Variants in CERS6 observed in about 807,000 individuals in gnomAD.
CERS6 encodes the protein ceramide synthase 6, also known as LAG1 homolog, ceramide synthase 6.
Under a neutral mutation model 56.8 loss-of-function variants are expected in CERS6, and 26 were observed. The observed-to-expected ratio is 0.46, with a 90% CI of 0.34 to 0.63. CERS6 has a LOEUF of 0.63. Among genes scored for constraint, CERS6 ranks in the 30% least tolerant of loss-of-function variants. The probability of loss-of-function intolerance (pLI) is 0.01; values close to 1 mark genes in which losing one functional copy is unlikely to be tolerated. For synonymous variants in CERS6, 164 were observed against 173.3 expected, an observed-to-expected ratio of 0.95 and a Z score of 0.42; for missense variants, 415 against 467.5, an observed-to-expected ratio of 0.89 and a Z score of 1.04.
chr2:168,587,593 T>C (rs184805974), intron 3 of CERS6, among the ~76,000 whole-genome samples: 1 of 152,332 alleles, frequency 6.6e-6, no homozygotes, highest in Non-Finnish European at 1.5e-5. Context: ...CCAGAGGTAG[T>C]TGCTAAGTGT....
chr2:168,546,636 G>A (rs142533187), intron 1 of CERS6, among the ~76,000 whole-genome samples: 1 of 152,052 alleles, frequency 6.6e-6, no homozygotes, highest in Non-Finnish European at 1.5e-5. Context: ...GGTCTGTTTT[G>A]CATATTTATC....
At chr2:168,700,332 C>T (rs1002900993) in intron 6 of CERS6, among the ~76,000 whole-genome samples, 6 of 152,038 alleles carry the variant, frequency 3.9e-5, no homozygotes, top group African/African-American at 7.2e-5. Context: ...TTTAATCTTA[C>T]GAGGAAGCAG....
chr2:168,660,616 T>TAA (rs894479877), intron 4 of CERS6, among the ~76,000 whole-genome samples: 2 of 147,832 alleles, frequency 1.4e-5, no homozygotes, highest in Admixed American at 6.8e-5. Context: ...TCACTGGAAT[T>TAA]AAAAAAAAAA....
intron 4 of CERS6, among the ~76,000 whole-genome samples, chr2:168,671,376 A>G: frequency 6.6e-6 from 1 of 152,208 alleles, no homozygotes; most frequent in Non-Finnish European, 1.5e-5. Context: ...TTAAATAAAT[A>G]TAATCTGAAG....
At chr2:168,696,236 C>T (rs1686643403) in intron 6 of CERS6, among the ~76,000 whole-genome samples, 1 of 152,216 alleles carries the variant, frequency 6.6e-6, no homozygotes, top group Non-Finnish European at 1.5e-5. Flanking sequence ...GTGCTCCTGA[C>T]TGAAGACATG....
chr2:168,559,535 A>G (rs914619973), intron 2 of CERS6, among the ~76,000 whole-genome samples: 1 of 151,714 alleles, frequency 6.6e-6, no homozygotes, highest in African/African-American at 2.4e-5. Context: ...AGCATGGGCA[A>G]GCTCTCTAGT....
chr2:168,661,889 A>T (rs771298111), intron 4 of CERS6, among the ~76,000 whole-genome samples: 4 of 152,240 alleles, frequency 2.6e-5, no homozygotes, highest in Non-Finnish European at 5.9e-5. Context: ...TTTTGATAGA[A>T]ACGATTCTTT....
chr2:168,763,240 C>CTTTT (rs756952701), intron 8 of CERS6, among the ~76,000 whole-genome samples: 10 of 105,890 alleles, frequency 9.4e-5, no homozygotes, highest in Admixed American at 1.2e-4. Flanking sequence ...CTCTCTCTCT[C>CTTTT]TTTTTTTTTT....
intron 1 of CERS6, among the ~76,000 whole-genome samples, chr2:168,518,573 C>G (rs752504285): frequency 4.4e-4 from 67 of 152,210 alleles, no homozygotes; most frequent in Middle Eastern, 3.4e-3. Context: ...TTTTCCTGCC[C>G]TTATATGACT....
At chr2:168,549,697 T>C (rs996594825) in intron 2 of CERS6, among the ~76,000 whole-genome samples, 1 of 152,174 alleles carries the variant, frequency 6.6e-6, no homozygotes, top group African/African-American at 2.4e-5. Flanking sequence ...CATATTCTTT[T>C]AGTTTCCAAG....
At chr2:168,614,343 T>G (rs551248228) in intron 3 of CERS6, among the ~76,000 whole-genome samples, 2 of 152,346 alleles carry the variant, frequency 1.3e-5, no homozygotes, top group South Asian at 4.1e-4. Context: ...ATACTTGTAT[T>G]TTCTTTACAA....
Position 168,456,536 on chromosome 2 carries a change from G to T in CERS6, c.88G>T (p.Ala30Ser). ...GGCGGACCTGAAGAACACGGAGGAG[G>T]CCACCTTCCCGCAGGCTGAGGACCT... ...TWADLKNTEE[A>S]TFPQAEDLYL... Residue 30 changes from alanine (A) to serine (S), a missense_variant, in exon 1 of 10, where the codon GCC becomes TCC. Coordinates refer to ENST00000305747, the MANE Select transcript of CERS6 (RefSeq NM_203463.3). This position sits in a 1 kb window ranked among gnomAD's most constrained non-coding sequence, Gnocchi z 4.1. The T allele has an allele frequency of 6.2e-7, 1 of 1,614,086 alleles. No individual in the cohort carries two copies. The highest frequency in any genetic ancestry group is 1.1e-5 in the South Asian group (1 of 91,088).
At chr2:168,683,793 C>T (rs576706974) in intron 4 of CERS6, among the ~76,000 whole-genome samples, 1 of 152,284 alleles carries the variant, frequency 6.6e-6, no homozygotes, top group East Asian at 1.9e-4. Flanking sequence ...AGCGCCATAT[C>T]CCCAGACTCT....
At chr2:168,626,168 A>G (rs1684585913) in intron 3 of CERS6, among the ~76,000 whole-genome samples, 1 of 152,212 alleles carries the variant, frequency 6.6e-6, no homozygotes, top group African/African-American at 2.4e-5. Context: ...GATGTTGATA[A>G]TAATGCCTAC....
intron 3 of CERS6, among the ~76,000 whole-genome samples, chr2:168,598,698 A>T (rs547224169): frequency 6.6e-6 from 1 of 152,312 alleles, no homozygotes; most frequent in African/African-American, 2.4e-5. Flanking sequence ...AGCTTACAAG[A>T]TTGTCTTCAA....
chr2:168,703,297 C>G (rs1686849047), intron 6 of CERS6, among the ~76,000 whole-genome samples: 1 of 152,148 alleles, frequency 6.6e-6, no homozygotes, highest in Non-Finnish European at 1.5e-5. Flanking sequence ...TGGCTCATGC[C>G]TGTAATCCCA....
At chr2:168,556,991 CAAAAAAAAAAAAAAAAAAA>C (rs71003046) in intron 2 of CERS6, among the ~76,000 whole-genome samples, 1 of 82,320 alleles carries the variant, frequency 1.2e-5, no homozygotes, top group Admixed American at 1.8e-4. Context: ...CTTGTCTCTA[CAAAAAAAAAAAAAAAAAAA>C]AAAAAAAAAA....
chr2:168,536,382 A>G (rs559491539), intron 1 of CERS6, among the ~76,000 whole-genome samples: 27 of 152,176 alleles, frequency 1.8e-4, no homozygotes, highest in Non-Finnish European at 3.5e-4. Flanking sequence ...TGAGTTAACA[A>G]CATTGTATTG....
At chr2:168,623,750 A>G (rs1684527235) in intron 3 of CERS6, among the ~76,000 whole-genome samples, 1 of 152,224 alleles carries the variant, frequency 6.6e-6, no homozygotes, top group African/African-American at 2.4e-5. Context: ...TATACTCAAA[A>G]AATAGGCAGT....
Sources: allele counts gnomAD v4.1 joint callset (sites outside exome capture counted in the v4.1 genomes callset), GRCh38; gene constraint gnomAD v4.1.1; non-coding constraint Gnocchi (gnomAD v3.1); transcripts MANE v1.5; gene names NCBI Gene and HGNC (gene_info 2026-07-23, HGNC 2026-07-21).